The following ADGRL2 variants were observed in gnomAD, a reference collection of about 807,000 sequenced individuals.
ADGRL2 encodes the protein adhesion G protein-coupled receptor L2.
ADGRL2 carries 44 observed loss-of-function variants against 157.4 expected under a neutral mutation model. The observed-to-expected ratio is 0.28, with a 90% CI of 0.22 to 0.36. ADGRL2 has a LOEUF of 0.36. Ranked by LOEUF, ADGRL2 falls within the 10% of genes least tolerant of loss-of-function variation. ADGRL2 has a pLI of 1.00. For missense variants in ADGRL2, 1,510 were observed against 1,768.9 expected (o/e 0.85, Z 2.63); for synonymous variants, 585 against 624.7 (o/e 0.94, Z 0.95).
At chr1:81,521,168 G>C (rs2079305929) in intron 2 of ADGRL2, among the ~76,000 whole-genome samples, 1 of 152,124 alleles carries the variant, frequency 6.6e-6, no homozygotes, top group Non-Finnish European at 1.5e-5. Context: ...AACATGCAGA[G>C]GGAAACACAT....
upstream of ADGRL2, among the ~76,000 whole-genome samples, chr1:81,698,257 T>C (rs2083484842): frequency 6.6e-6 from 1 of 152,288 alleles, no homozygotes; most frequent in South Asian, 2.1e-4. Context: ...TAGATTGTCT[T>C]AGAGGTAGTA....
chr1:81,564,653 C>A (rs929953993), intron 2 of ADGRL2, among the ~76,000 whole-genome samples: 4 of 152,158 alleles, frequency 2.6e-5, no homozygotes, highest in African/African-American at 9.6e-5. Flanking sequence ...GACATCTCAT[C>A]TCTTGCCATA....
At chr1:81,872,337 T>G (rs1411117676) in intron 2 of ADGRL2, among the ~76,000 whole-genome samples, 1 of 152,186 alleles carries the variant, frequency 6.6e-6, no homozygotes, top group Non-Finnish European at 1.5e-5. Context: ...ACTGTAGCCT[T>G]GTAGTGTGGT....
chr1:81,360,464 A>T (rs963444870), intron 1 of ADGRL2, among the ~76,000 whole-genome samples: 1 of 152,048 alleles, frequency 6.6e-6, no homozygotes, highest in Non-Finnish European at 1.5e-5. Flanking sequence ...AATAATGTGT[A>T]TGCTCCTGGA....
intron 2 of ADGRL2, among the ~76,000 whole-genome samples, chr1:81,900,282 C>T (rs747055089): frequency 1.4e-4 from 22 of 152,132 alleles, no homozygotes; most frequent in South Asian, 2.1e-4. Context: ...AAACAACAAA[C>T]GGGGAAACAT....
chr1:81,579,174 A>G (rs138068990), intron 2 of ADGRL2: 1 of 152,306 alleles, frequency 6.6e-6, no homozygotes, highest in Non-Finnish European at 1.5e-5. Flanking sequence ...AGCTTTGTGT[A>G]TCCATGGTTT....
chr1:81,364,201 A>T (rs2076025097), intron 1 of ADGRL2, among the ~76,000 whole-genome samples: 1 of 126,158 alleles, frequency 7.9e-6, no homozygotes, highest in South Asian at 3.2e-4. Context: ...TGAGCCTTGA[A>T]AGTTTTCCAT....
chr1:81,496,219 T>G (rs1045267866), intron 2 of ADGRL2, among the ~76,000 whole-genome samples: 4 of 152,180 alleles, frequency 2.6e-5, no homozygotes, highest in Non-Finnish European at 4.4e-5. Context: ...GCCTTCATTT[T>G]TCATCCATAA....
intron 3 of ADGRL2, among the ~76,000 whole-genome samples, chr1:81,610,110 G>A (rs927300507): frequency 6.6e-6 from 1 of 151,974 alleles, no homozygotes; most frequent in African/African-American, 2.4e-5. Context: ...TTGCACCAGG[G>A]GTGCAATGTC....
At chr1:81,612,081 G>T (rs2081553704) in intron 3 of ADGRL2, among the ~76,000 whole-genome samples, 1 of 152,084 alleles carries the variant, frequency 6.6e-6, no homozygotes, top group East Asian at 1.9e-4. Context: ...AAATTACCCA[G>T]TCTCAAGTAG....
At chr1:81,845,420 A>G (rs940207434) in intron 2 of ADGRL2, among the ~76,000 whole-genome samples, 6 of 152,046 alleles carry the variant, frequency 3.9e-5, no homozygotes, top group Non-Finnish European at 8.8e-5. Flanking sequence ...TTTTTTGAAG[A>G]GTTAAACCTA....
chr1:81,836,929 G>C lies in ADGRL2; in HGVS notation c.-56G>C. The stretch of plus-strand genomic sequence containing the variant: ...AGACTGATGGTTTTGATGAAGCTGG[G>C]CATTTATAACTAGATTCATTAAGGA... On this transcript the variant is annotated 5_prime_UTR_variant, in exon 2 of 24. Coordinates refer to ENST00000686636, the MANE Select transcript of ADGRL2 (RefSeq NM_001366006.2). 1 of 999,482 alleles carries C rather than the reference G, an allele frequency of 1.0e-6. No homozygotes were observed. Among genetic ancestry groups the C allele is most frequent in the Non-Finnish European group, 1.5e-6 (1 of 658,892 alleles). The allele number at this position is 999,482 out of a possible 1,614,324, so 61.9% of individuals were successfully genotyped here. A position where few individuals can be genotyped will look rare whatever the true frequency, so the allele number is the denominator to read the frequency against.
chr1:81,825,151 G>C (rs906869410), intron 1 of ADGRL2, among the ~76,000 whole-genome samples: 2 of 152,030 alleles, frequency 1.3e-5, no homozygotes, highest in African/African-American at 4.8e-5. Context: ...TTCTAGACAA[G>C]CCTGGACAAC....
chr1:81,490,238 T>A (rs61139474), intron 2 of ADGRL2, among the ~76,000 whole-genome samples: 1 of 151,764 alleles, frequency 6.6e-6, no homozygotes, highest in Non-Finnish European at 1.5e-5. Context: ...TTCAGGCAAT[T>A]CTCCTGCCTC....
At chr1:81,525,853 T>C (rs1267945175) in intron 2 of ADGRL2, among the ~76,000 whole-genome samples, 1 of 152,228 alleles carries the variant, frequency 6.6e-6, no homozygotes, top group African/African-American at 2.4e-5. Flanking sequence ...TTTACAACTT[T>C]CAAATTACTT....
intron 2 of ADGRL2, chr1:81,557,980 A>G (rs1038839425): frequency 6.6e-6 from 1 of 152,258 alleles, no homozygotes; most frequent in African/African-American, 2.4e-5. Context: ...GTTTTGCCCT[A>G]CATAATATTT....
chr1:81,325,332 T>G (rs960987751), intron 1 of ADGRL2, among the ~76,000 whole-genome samples: 19 of 152,166 alleles, frequency 1.2e-4, no homozygotes, highest in African/African-American at 4.6e-4. Context: ...CGACCTGTAT[T>G]TAAAAGATGT....
intron 16 of ADGRL2, 152 bp downstream of exon 16, chr1:81,970,686 C>A: frequency 3.8e-6 from 2 of 527,418 alleles, no homozygotes; most frequent in Non-Finnish European, 6.5e-6. Flanking sequence ...ACAATCAAGT[C>A]TTTTGCAATT....
At chr1:81,745,782 G>A (rs1395614722) in intron 1 of ADGRL2, among the ~76,000 whole-genome samples, 1 of 152,124 alleles carries the variant, frequency 6.6e-6, no homozygotes, top group Non-Finnish European at 1.5e-5. Context: ...TTATTAGCGA[G>A]CTTGTAAATT....
Sources: gnomAD v4.1 joint callset for allele counts (sites outside exome capture counted in the v4.1 genomes callset) on GRCh38, gnomAD v4.1.1 for gene constraint, MANE v1.5 for transcripts, NCBI Gene and HGNC (gene_info 2026-07-23, HGNC 2026-07-21) for gene names.